The following FAM81B variants were observed in gnomAD, a reference collection of about 807,000 sequenced individuals.
FAM81B encodes the protein family with sequence similarity 81 member B, also known as protein FAM81B.
Under a neutral mutation model 58.7 loss-of-function variants are expected in FAM81B, and 60 were observed. That is an observed-to-expected ratio of 1.02 (90% CI 0.83 to 1.27). The LOEUF is 1.27. Ranked by LOEUF, FAM81B falls within the 50% of genes most tolerant of loss-of-function variation. The pLI, the probability that FAM81B is intolerant of heterozygous loss-of-function variation, is 0.00. For missense variants in FAM81B, 491 were observed against 522.0 expected, an observed-to-expected ratio of 0.94 and a Z score of 0.58; for synonymous variants, 189 against 179.6, an observed-to-expected ratio of 1.05 and a Z score of -0.42.
In FAM81B at chr5:95,391,481, A is replaced by C. The variant is rs1761814101; in HGVS notation, c.92A>C (p.Asn31Thr). 3 of 1,613,724 alleles carry C rather than the reference A, an allele frequency of 1.9e-6. No individual in the cohort carries two copies. The highest frequency in any genetic ancestry group is 2.7e-5 in the African/African-American group (2 of 74,966). Residue 31 changes from asparagine (N) to threonine (T), a missense_variant, in exon 1 of 10, where the codon AAT (asparagine) becomes ACT (threonine). Transcript: ENST00000283357. The stretch of plus-strand genomic sequence containing the variant: ...TTCAAAAATATCAAATCTACAAAAA[A>C]TAAAGCTGGAAAAGCAAGCATCATG... ...LFFKNIKSTKNKAGKASIMSS... is the reference protein window; with the variant it reads ...LFFKNIKSTKTKAGKASIMSS...
At chr5:95,398,454 A>ATAAATAAC (rs1437126215) in intron 3 of FAM81B, among the ~76,000 whole-genome samples, 1 of 150,988 alleles carries the variant, frequency 6.6e-6, no homozygotes, top group African/African-American at 2.4e-5. Context: ...AAATAAATAA[A>ATAAATAAC]AAACTTCAGC....
chr5:95,443,940 G>A (rs1745457638), intron 7 of FAM81B, among the ~76,000 whole-genome samples: 1 of 152,140 alleles, frequency 6.6e-6, no homozygotes, highest in Non-Finnish European at 1.5e-5. Context: ...AGTGATAAAA[G>A]AGTAAATGCT....
intron 7 of FAM81B, among the ~76,000 whole-genome samples, chr5:95,437,117 TTGAC>T (rs1302789234): frequency 6.6e-6 from 1 of 152,114 alleles, no homozygotes; most frequent in Non-Finnish European, 1.5e-5. Context: ...ATCATTCACT[TTGAC>T]TGCACAATAT....
chr5:95,443,253 T>A (rs1252577543), intron 7 of FAM81B, among the ~76,000 whole-genome samples: 2 of 152,082 alleles, frequency 1.3e-5, no homozygotes, highest in Admixed American at 6.5e-5. Context: ...TGTCTGTAGA[T>A]CTTCACTCAG....
rs752412244 is a variant in FAM81B at position 95,420,295 on chromosome 5, C to A, written c.549C>A (p.Asp183Glu). The A allele has an allele frequency of 5.6e-6, 9 of 1,613,434 alleles. No individual in the cohort carries two copies. The highest frequency in any genetic ancestry group is 6.8e-6 in the Non-Finnish European group (8 of 1,179,658). ...ACTCAAAATTACAGATTTTAGAAGA[C>A]CAAATAAGAGCTCGAGATCAGGCGG... is the stretch of plus-strand genomic sequence containing the variant. ...KLSQNIEILE[D>E]QIRARDQAAT... The change falls in exon 5 of 10, where the codon GAC (aspartate) becomes GAA (glutamate). Residue 183 changes from aspartate to glutamate, a missense_variant. Transcript: ENST00000283357.
chr5:95,412,104 A>G (rs1043440500), intron 3 of FAM81B, among the ~76,000 whole-genome samples: 5 of 152,086 alleles, frequency 3.3e-5, no homozygotes, highest in Non-Finnish European at 7.4e-5. Context: ...GCCAACATTC[A>G]CAGTCATATT....
chr5:95,422,904 A>AT (rs1436373261), intron 5 of FAM81B, among the ~76,000 whole-genome samples: 1 of 152,132 alleles, frequency 6.6e-6, no homozygotes, highest in Non-Finnish European at 1.5e-5. Context: ...AAAAGCAGTG[A>AT]TTTTAGGACA....
At chr5:95,442,857 A>G (rs1301106652) in intron 7 of FAM81B, among the ~76,000 whole-genome samples, 1 of 152,222 alleles carries the variant, frequency 6.6e-6, no homozygotes, top group African/African-American at 2.4e-5. Flanking sequence ...TTAGAATCTT[A>G]GACTCAGTCT....
At chr5:95,432,528 T>C (rs994454204) in intron 6 of FAM81B, among the ~76,000 whole-genome samples, 2 of 152,094 alleles carry the variant, frequency 1.3e-5, no homozygotes, top group African/African-American at 4.8e-5. Context: ...AAGGAAGCCC[T>C]TTGATAGCTT....
In FAM81B at chr5:95,428,654, A is replaced by G; in HGVS notation, c.708A>G (p.Gln236=). The G allele has an allele frequency of 6.2e-7, 1 of 1,614,044 alleles. No homozygotes were observed. Among genetic ancestry groups the G allele is most frequent in the Non-Finnish European group, 8.5e-7 (1 of 1,179,874 alleles). ...CTGGAGACATTCACTTATTCAGGCA[A>G]GAGCACCGGCAAATTGAGAAAGCCA... ...KLSGDIHLFR[Q]EHRQIEKAIQ... The change falls in exon 6 of 10, where the codon CAA becomes CAG. Residue 236 remains glutamine, a synonymous_variant. Transcript: ENST00000283357.
chr5:95,415,693 T>C (rs993229756), intron 4 of FAM81B, among the ~76,000 whole-genome samples: 9 of 151,966 alleles, frequency 5.9e-5, no homozygotes, highest in Non-Finnish European at 1.3e-4. Flanking sequence ...AATTTAGGAG[T>C]CAAAACTTCT....
Position 95,448,334 on chromosome 5 carries a change from T to TA in FAM81B, c.1097dup (p.Asn366LysfsTer11). The TA allele has an allele frequency of 6.2e-7, 1 of 1,611,358 alleles. No individual in the cohort carries two copies. The highest frequency in any genetic ancestry group is 8.5e-7 in the Non-Finnish European group (1 of 1,179,310). On this transcript the variant is annotated frameshift_variant, in exon 9 of 10. Coordinates refer to ENST00000283357, the MANE Select transcript of FAM81B (RefSeq NM_152548.3). LOFTEE classifies it high-confidence loss of function. The stretch of plus-strand genomic sequence containing the variant: ...TTTCAAGCAAAGTAGAGAATTTCAT[T>TA]AACACACAGAAACAGGAAACACAAC...
Position 95,412,850 on chromosome 5 carries a change from C to T in FAM81B, c.294-1097C>T, listed in dbSNP as rs149129933. Among the ~76,000 whole-genome samples, 1,076 of 152,240 alleles carry T rather than the reference C, an allele frequency of 7.1e-3. 7 individuals carry two copies. Among genetic ancestry groups the T allele is most frequent in the Admixed American group, 0.011 (172 of 15,286 alleles). The stretch of plus-strand genomic sequence containing the variant: ...ATACAGTTGATAAGAAAGATGGGGA[C>T]GATTTTCAAAGTGTCATTCCTCAGC... On this transcript the variant is annotated intron_variant, in intron 3 of 9. Transcript: ENST00000283357.
At chr5:95,434,750 A>G (rs955994840) in intron 6 of FAM81B, among the ~76,000 whole-genome samples, 8 of 152,206 alleles carry the variant, frequency 5.3e-5, no homozygotes, top group African/African-American at 1.9e-4. Flanking sequence ...TTCTTGTATA[A>G]TTATGAAAAT....
chr5:95,395,442 C>CAAAA (rs70978184), intron 2 of FAM81B, among the ~76,000 whole-genome samples: 2 of 103,022 alleles, frequency 1.9e-5, no homozygotes, highest in African/African-American at 7.7e-5. Context: ...GACCCCGTCT[C>CAAAA]AAAAAAAAAA....
At chr5:95,441,609 T>TAA (rs544364149) in intron 7 of FAM81B, among the ~76,000 whole-genome samples, 1 of 146,818 alleles carries the variant, frequency 6.8e-6, no homozygotes, top group Non-Finnish European at 1.5e-5. Context: ...GTCTGCAAAT[T>TAA]AAAAAAAAAA....
chr5:95,428,484 C>G, intron 5 of FAM81B, 119 bp from the exon 6 acceptor site: 1 of 1,235,178 alleles, frequency 8.1e-7, no homozygotes, highest in Non-Finnish European at 1.1e-6. Context: ...CTATATCTAC[C>G]AACTCATTCT....
At chr5:95,397,653 G>A (rs1761998751) in intron 3 of FAM81B, among the ~76,000 whole-genome samples, 1 of 152,192 alleles carries the variant, frequency 6.6e-6, no homozygotes, top group Non-Finnish European at 1.5e-5. Context: ...AAATTAAAAT[G>A]AAGACAAAGA....
In FAM81B at chr5:95,408,610, T is replaced by G. The variant is rs554038426; in HGVS notation, c.294-5337T>G. Among the ~76,000 whole-genome samples, 3 of 152,370 alleles carry G rather than the reference T, an allele frequency of 2.0e-5. No homozygotes were observed. In the East Asian group the frequency reaches 5.8e-4, roughly 29 times the overall value. ...AGTATGAACTTCAGACTGCTTAGGC[T>G]TGAATACTGGTCCACTGTTGTTAGC... On this transcript the variant is annotated intron_variant, in intron 3 of 9. Coordinates refer to ENST00000283357, the MANE Select transcript of FAM81B (RefSeq NM_152548.3).
Sources: allele counts gnomAD v4.1 joint callset (sites outside exome capture counted in the v4.1 genomes callset), GRCh38; gene constraint gnomAD v4.1.1; transcripts MANE v1.5; gene names NCBI Gene and HGNC (gene_info 2026-07-23, HGNC 2026-07-21).